IPO9: variants seen among roughly 807,000 people sequenced by gnomAD.
IPO9 encodes the protein importin-9.
Under a neutral mutation model 128.6 loss-of-function variants are expected in IPO9, and 28 were observed. The observed-to-expected ratio is 0.22, with a 90% CI of 0.16 to 0.30. IPO9 has a LOEUF of 0.30. IPO9 is among the 10% of genes least tolerant of loss of function. IPO9 has a pLI of 1.00. For missense variants in IPO9, 935 were observed against 1,293.9 expected, an observed-to-expected ratio of 0.72 and a Z score of 4.26; for synonymous variants, 455 against 475.8, an observed-to-expected ratio of 0.96 and a Z score of 0.57.
chr1:201,874,070 C>A (rs926256395), intron 20 of IPO9, among the ~76,000 whole-genome samples, 180 bp from the exon 21 acceptor site: 1 of 152,160 alleles, frequency 6.6e-6, no homozygotes, highest in African/African-American at 2.4e-5. Context: ...TGAACTGTTA[C>A]AATACCAAAC....
rs1020390530 is a variant in IPO9, at chr1:201,877,757, C to T, written c.*1703C>T. The T allele has an allele frequency of 6.6e-6, 1 of 152,018 alleles. No individual in the cohort carries two copies. The highest frequency in any genetic ancestry group is 1.5e-5 in the Non-Finnish European group (1 of 68,046). The allele number at this position is 152,018 out of a possible 1,614,324, so 9.4% of individuals were successfully genotyped here. A position where few individuals can be genotyped will look rare whatever the true frequency, so the allele number is the denominator to read the frequency against. ...TGACCAACATGATGAAACCCTGTCTCTACTAAAAATACAAAAATTAGCCAG... is the reference window on the plus strand; with the variant it reads ...TGACCAACATGATGAAACCCTGTCTTTACTAAAAATACAAAAATTAGCCAG... On this transcript the variant is annotated 3_prime_UTR_variant, in exon 24 of 24. Transcript: ENST00000361565.
At chr1:201,869,232 CAG>C (rs1452048583) in intron 16 of IPO9, among the ~76,000 whole-genome samples, 4 of 152,194 alleles carry the variant, frequency 2.6e-5, no homozygotes, top group Admixed American at 2.0e-4. Context: ...GCCTGGGTGA[CAG>C]AGCGAGACTG....
rs1267340947 is a variant in IPO9 at position 201,877,971 on chromosome 1, A to G, written c.*1917A>G. On this transcript the variant is annotated 3_prime_UTR_variant, in exon 24 of 24. Coordinates refer to ENST00000361565, the MANE Select transcript of IPO9 (RefSeq NM_018085.5). ...GAATATAAAGTGAATCTGAATCTCC[A>G]CTCAAGGGGATGGCCCCAAGGATAT... 1 of 152,104 alleles carries G rather than the reference A, an allele frequency of 6.6e-6. No individual in the cohort carries two copies. Among genetic ancestry groups the G allele is most frequent in the Non-Finnish European group, 1.5e-5 (1 of 68,046 alleles). 9.4% of individuals were successfully genotyped at this position (152,104 alleles called of 1,614,324 possible). A position where few individuals can be genotyped will look rare whatever the true frequency, so the allele number is the denominator to read the frequency against.
At position 201,866,727 on chromosome 1, in the gene IPO9, C is replaced by T. The variant is rs1477358997; in HGVS notation, c.1629-6C>T. The T allele has an allele frequency of 3.7e-6, 6 of 1,605,464 alleles. No homozygotes were observed. On this transcript the variant is annotated splice_region_variant and splice_polypyrimidine_tract_variant and intron_variant, in intron 14 of 23. Transcript: ENST00000361565. ...TAATAATTCTTGCTTATCTATCTCT[C>T]TCTAGTTATTGTGACCAACTGAAAG...
In IPO9 at chr1:201,837,934, G is replaced by A. The variant is rs1238435853; in HGVS notation, c.163+8562G>A. On this transcript the variant is annotated intron_variant, in intron 1 of 23. Transcript: ENST00000361565. Reference sequence around the variant, plus strand: ...CAAACTACAAAATTAGCTGGGCGTGGTGGCACATGCCTGTAATCCCAGCCA... The same window carrying A: ...CAAACTACAAAATTAGCTGGGCGTGATGGCACATGCCTGTAATCCCAGCCA... Among the ~76,000 whole-genome samples, 3 of 152,296 alleles carry A rather than the reference G, an allele frequency of 2.0e-5. No homozygotes were observed. The East Asian group carries it at 5.8e-4, about 29-fold the overall frequency.
intron 1 of IPO9, 103 bp from the exon 2 acceptor site, chr1:201,847,176 A>G: frequency 1.2e-6 from 1 of 831,258 alleles, no homozygotes; most frequent in Admixed American, 2.2e-5. Context: ...GAAACAACAG[A>G]TTAAGTTTCT....
intron 5 of IPO9, 58 bp from the exon 6 acceptor site, chr1:201,852,953 A>T (rs979294839): frequency 1.0e-4 from 137 of 1,339,776 alleles, no homozygotes; most frequent in Non-Finnish European, 1.4e-4. Flanking sequence ...TGAGATACAC[A>T]CATACCTACA....
At position 201,881,896 on chromosome 1, in the gene IPO9, A is replaced by T. The variant is rs1680888549; in HGVS notation, c.*5842A>T. On this transcript the variant is annotated 3_prime_UTR_variant, in exon 24 of 24. Transcript: ENST00000361565. ...CTGGATTAGAGATGTTGACAAGATAAAGTCAGTAGGACTTAAAGACTGACA... is the reference window on the plus strand; with the variant it reads ...CTGGATTAGAGATGTTGACAAGATATAGTCAGTAGGACTTAAAGACTGACA... The T allele has an allele frequency of 1.3e-5, 2 of 152,198 alleles. No homozygotes were observed. Among genetic ancestry groups the T allele is most frequent in the East Asian group, 3.9e-4 (2 of 5,194 alleles). 9.4% of individuals were successfully genotyped at this position (152,198 alleles called of 1,614,324 possible). A position where few individuals can be genotyped will look rare whatever the true frequency, so the allele number is the denominator to read the frequency against.
intron 13 of IPO9, among the ~76,000 whole-genome samples, chr1:201,861,963 T>TA (rs11442153): frequency 0.05 from 7,638 of 151,726 alleles, 660 homozygotes; most frequent in African/African-American, 0.18. Context: ...GCTGGGAGAG[T>TA]AAGATGTAAG....
rs140656958 is a variant in IPO9, at chr1:201,880,449, G to A, written c.*4395G>A. The A allele has an allele frequency of 2.0e-5, 3 of 152,356 alleles. No homozygotes were observed. The East Asian group carries it at 5.8e-4, about 29-fold the overall frequency. The allele number at this position is 152,356 out of a possible 1,614,324, so 9.4% of individuals were successfully genotyped here. A position where few individuals can be genotyped will look rare whatever the true frequency, so the allele number is the denominator to read the frequency against. ...TCGTGTCAAGGAAAAGAAGCTTGAA[G>A]GAGCTAAGAATGCTTAGCTTAGAGA... is the stretch of plus-strand genomic sequence containing the variant. On this transcript the variant is annotated 3_prime_UTR_variant, in exon 24 of 24. Transcript: ENST00000361565.
chr1:201,877,652 G>C lies in IPO9; in HGVS notation c.*1598G>C, dbSNP rs879428215. 1 of 152,138 alleles carries C rather than the reference G, an allele frequency of 6.6e-6. No homozygotes were observed. Among genetic ancestry groups the C allele is most frequent in the Non-Finnish European group, 1.5e-5 (1 of 68,044 alleles). The allele number at this position is 152,138 out of a possible 1,614,324, so 9.4% of individuals were successfully genotyped here. Reference sequence around the variant, plus strand: ...AAGAAATAGAATATAGGCTGGGCGTGGTGTGTCACACCTGTAATCCCAGCA... The same window carrying C: ...AAGAAATAGAATATAGGCTGGGCGTCGTGTGTCACACCTGTAATCCCAGCA... On this transcript the variant is annotated 3_prime_UTR_variant, in exon 24 of 24. Transcript: ENST00000361565.
Position 201,882,595 on chromosome 1 carries a change from A to G in IPO9, c.*6541A>G, listed in dbSNP as rs1680909695. 1 of 152,202 alleles carries G rather than the reference A, an allele frequency of 6.6e-6. No individual in the cohort carries two copies. Among genetic ancestry groups the G allele is most frequent in the African/African-American group, 2.4e-5 (1 of 41,440 alleles). 9.4% of individuals were successfully genotyped at this position (152,202 alleles called of 1,614,324 possible). A position where few individuals can be genotyped will look rare whatever the true frequency, so the allele number is the denominator to read the frequency against. On this transcript the variant is annotated 3_prime_UTR_variant, in exon 24 of 24. Transcript: ENST00000361565. ...CATTACTGCTGGCTTCCTAAAATTGAAAAGTATACTAGGGTTTTTAAACCT... is the reference window on the plus strand; with the variant it reads ...CATTACTGCTGGCTTCCTAAAATTGGAAAGTATACTAGGGTTTTTAAACCT...
At chr1:201,840,221 C>CT (rs1296914071) in intron 1 of IPO9, among the ~76,000 whole-genome samples, 1 of 152,178 alleles carries the variant, frequency 6.6e-6, no homozygotes, top group African/African-American at 2.4e-5. Flanking sequence ...TCCCAAGTAG[C>CT]CGAGGCTACA....
At chr1:201,837,063 A>G (rs1272668424) in intron 1 of IPO9, among the ~76,000 whole-genome samples, 1 of 152,218 alleles carries the variant, frequency 6.6e-6, no homozygotes, top group Non-Finnish European at 1.5e-5. Context: ...TACTTGTTGT[A>G]GGTACAGATC....
chr1:201,874,081 A>C (rs1375423308), intron 20 of IPO9, among the ~76,000 whole-genome samples, 169 bp from the exon 21 acceptor site: 1 of 152,154 alleles, frequency 6.6e-6, no homozygotes, highest in South Asian at 2.1e-4. Context: ...AATACCAAAC[A>C]ATAAAGTTAT....
intron 15 of IPO9, among the ~76,000 whole-genome samples, chr1:201,867,759 T>G (rs1296298820): frequency 6.6e-6 from 1 of 152,114 alleles, no homozygotes; most frequent in Non-Finnish European, 1.5e-5. Context: ...GATTCTTTTT[T>G]TAAAGAGAGA....
At position 201,881,990 on chromosome 1, in the gene IPO9, C is replaced by T. The variant is rs2102896737; in HGVS notation, c.*5936C>T. ...TAAAATGTTGCAGTGAGTTCCTCCT[C>T]ATCAATCCAAGTGCTCGATCAGAGG... is the stretch of plus-strand genomic sequence containing the variant. On this transcript the variant is annotated 3_prime_UTR_variant, in exon 24 of 24. Transcript: ENST00000361565. The T allele has an allele frequency of 6.6e-6, 1 of 152,294 alleles. No homozygotes were observed. Among genetic ancestry groups the T allele is most frequent in the South Asian group, 2.1e-4 (1 of 4,824 alleles). 9.4% of individuals were successfully genotyped at this position (152,294 alleles called of 1,614,324 possible).
At chr1:201,874,973 C>G in intron 22 of IPO9, 37 bp downstream of exon 22, 1 of 1,491,036 alleles carries the variant, frequency 6.7e-7, no homozygotes, top group Non-Finnish European at 9.4e-7. Flanking sequence ...ATGGTAAATA[C>G]CTTTTCTTTG....
chr1:201,830,071 A>T (rs2102864370), intron 1 of IPO9, among the ~76,000 whole-genome samples: 1 of 152,344 alleles, frequency 6.6e-6, no homozygotes, highest in South Asian at 2.1e-4. Flanking sequence ...TGTGCTTTAA[A>T]GTGATGGAGA....
Sources: allele counts gnomAD v4.1 joint callset (sites outside exome capture counted in the v4.1 genomes callset), GRCh38; gene constraint gnomAD v4.1.1; transcripts MANE v1.5; gene names NCBI Gene and HGNC (gene_info 2026-07-23, HGNC 2026-07-21).